OLFM2: variants seen among roughly 807,000 people sequenced by gnomAD.
OLFM2 encodes olfactomedin 2, also known as noelin-2.
In OLFM2, 20 loss-of-function variants were observed where a neutral mutation model predicts 43.9. The ratio of observed to expected loss-of-function variants is 0.46; its 90% CI spans 0.32 to 0.66. The LOEUF is 0.66. Ranked by LOEUF, OLFM2 falls within the 30% of genes least tolerant of loss-of-function variation. The pLI is 0.04. For missense variants in OLFM2, 416 were observed against 643.6 expected (o/e 0.65, Z 3.83); for synonymous variants, 268 against 278.6 (o/e 0.96, Z 0.38).
intron 1 of OLFM2, among the ~76,000 whole-genome samples, chr19:9,928,323 C>T (rs991737977): frequency 6.6e-6 from 1 of 152,186 alleles, no homozygotes; most frequent in African/African-American, 2.4e-5. Flanking sequence ...AAGTGAGAAG[C>T]TATTTGCCAT....
chr19:9,881,144 G>C (rs2046536670), intron 1 of OLFM2, among the ~76,000 whole-genome samples: 1 of 152,128 alleles, frequency 6.6e-6, no homozygotes, highest in Admixed American at 6.6e-5. Flanking sequence ...TGATCTGCCT[G>C]CCTCGGCCTC....
At position 9,899,063 on chromosome 19, in the gene OLFM2, G is replaced by A. The variant is rs186007736; in HGVS notation, c.63+37241C>T. 1.4e-3 allele frequency among the ~76,000 whole-genome samples: 208 copies of A among 152,144 alleles called. 1 individual carries two copies. The highest frequency in any genetic ancestry group is 4.9e-3 in the African/African-American group (202 of 41,514). The stretch of plus-strand genomic sequence containing the variant: ...GTGGATCACTTGAGGTCAGGAGTTC[G>A]AGACCAGCCCAGCCAACATGGCAAA... On this transcript the variant is annotated intron_variant, in intron 1 of 5. Coordinates refer to ENST00000264833, the MANE Select transcript of OLFM2 (RefSeq NM_058164.4).
intron 1 of OLFM2, chr19:9,913,861 G>A (rs1320137351): frequency 1.1e-5 from 2 of 185,478 alleles, no homozygotes; most frequent in African/African-American, 2.4e-5. Context: ...CCCCTCCCGC[G>A]CCTCCGCGCC....
chr19:9,854,092 A>T lies in OLFM2; in HGVS notation c.*94T>A, dbSNP rs2046293027. ...GGCGGGGAGAAAGGGCGTGACAGAG[A>T]CAGAGAGATCACCCTTGAGGGACAC... On this transcript the variant is annotated 3_prime_UTR_variant, in exon 6 of 6. Coordinates refer to ENST00000264833, the MANE Select transcript of OLFM2 (RefSeq NM_058164.4). This position sits in a 1 kb window ranked among gnomAD's most constrained non-coding sequence, Gnocchi z 9.5. 2.6e-6 allele frequency: 3 copies of T among 1,136,234 alleles called. No homozygotes were observed. Among genetic ancestry groups the T allele is most frequent in the Non-Finnish European group, 1.3e-6 (1 of 771,852 alleles). 70.4% of individuals were successfully genotyped at this position (1,136,234 alleles called of 1,614,324 possible). A position where few individuals can be genotyped will look rare whatever the true frequency, so the allele number is the denominator to read the frequency against.
chr19:9,880,610 A>G (rs1460313843), intron 1 of OLFM2, among the ~76,000 whole-genome samples: 2 of 152,128 alleles, frequency 1.3e-5, no homozygotes, highest in African/African-American at 4.8e-5. Context: ...AAATAAATAA[A>G]TAATACAAAT....
chr19:9,865,485 CTTTTTTTT>C (rs71188847), intron 1 of OLFM2, among the ~76,000 whole-genome samples: 10 of 73,652 alleles, frequency 1.4e-4, no homozygotes, highest in Admixed American at 6.1e-4. Flanking sequence ...TCTGTTTTTT[CTTTTTTTT>C]TTTTTTTTTT....
intron 1 of OLFM2, among the ~76,000 whole-genome samples, chr19:9,920,410 C>T (rs773726904): frequency 6.6e-6 from 1 of 152,084 alleles, no homozygotes; most frequent in Non-Finnish European, 1.5e-5. Context: ...TCACCCTGGT[C>T]CTGGCAATGA....
chr19:9,896,569 A>G (rs1023369524), intron 1 of OLFM2, among the ~76,000 whole-genome samples: 13 of 152,132 alleles, frequency 8.5e-5, no homozygotes, highest in Non-Finnish European at 1.5e-4. Context: ...CTGGCCTTGC[A>G]AGGCCTTCTT....
At chr19:9,924,486 T>C (rs2086440281) in intron 1 of OLFM2, among the ~76,000 whole-genome samples, 1 of 150,984 alleles carries the variant, frequency 6.6e-6, no homozygotes, top group Non-Finnish European at 1.5e-5. Context: ...CTCGAACTCC[T>C]GGGCTGAAGC....
intron 1 of OLFM2, among the ~76,000 whole-genome samples, chr19:9,894,832 A>G (rs1219456665): frequency 6.6e-6 from 1 of 152,146 alleles, no homozygotes. Context: ...TCTGACCCTT[A>G]CCAAAGCGTC....
chr19:9,868,540 GATACTATGCAGTCATTA>G (rs544678664), intron 1 of OLFM2, among the ~76,000 whole-genome samples: 2 of 152,218 alleles, frequency 1.3e-5, no homozygotes, highest in African/African-American at 4.8e-5. Context: ...TACAGAATGA[GATACTATGCAGTCATTA>G]AAAATTAGAG....
At chr19:9,872,434 G>A (rs1213069949) in intron 1 of OLFM2, among the ~76,000 whole-genome samples, 3 of 152,058 alleles carry the variant, frequency 2.0e-5, no homozygotes, top group African/African-American at 7.2e-5. Context: ...AGGATCGCCT[G>A]AGCCTGGGAG....
At chr19:9,890,800 A>T (rs1222022670) in intron 1 of OLFM2, among the ~76,000 whole-genome samples, 1 of 152,128 alleles carries the variant, frequency 6.6e-6, no homozygotes, top group Non-Finnish European at 1.5e-5. Context: ...AAAATATTTT[A>T]AAAATTTATC....
chr19:9,897,971 T>G (rs1232078969), intron 1 of OLFM2, among the ~76,000 whole-genome samples: 1 of 151,888 alleles, frequency 6.6e-6, no homozygotes, highest in Non-Finnish European at 1.5e-5. Context: ...GGCGTGATCA[T>G]AGCTCACTGC....
At position 9,933,928 on chromosome 19, in the gene OLFM2, G is replaced by T. The variant is rs534069111; in HGVS notation, c.63+2376C>A. 3.3e-5 allele frequency among the ~76,000 whole-genome samples: 5 copies of T among 152,224 alleles called. No homozygotes were observed. The East Asian group carries it at 7.7e-4, about 24-fold the overall frequency. On this transcript the variant is annotated intron_variant, in intron 1 of 5. Coordinates refer to ENST00000264833, the MANE Select transcript of OLFM2 (RefSeq NM_058164.4). ...CATTGTATTATATGTATATTTAGTT[G>T]CCGACACCGTATTACATGGTTATTC...
At chr19:9,931,145 G>C (rs149097783) in intron 1 of OLFM2, among the ~76,000 whole-genome samples, 1 of 152,058 alleles carries the variant, frequency 6.6e-6, no homozygotes, top group African/African-American at 2.4e-5. Flanking sequence ...CCCTCCACTG[G>C]GACATTTACA....
chr19:9,933,244 G>GT (rs927441660), intron 1 of OLFM2, among the ~76,000 whole-genome samples: 2 of 152,018 alleles, frequency 1.3e-5, no homozygotes, highest in South Asian at 2.1e-4. Flanking sequence ...ATCTTTTTCT[G>GT]TTTTTTTGCT....
chr19:9,915,004 T>C (rs2046863676), intron 1 of OLFM2, among the ~76,000 whole-genome samples: 1 of 152,024 alleles, frequency 6.6e-6, no homozygotes, highest in Non-Finnish European at 1.5e-5. Flanking sequence ...CGAACCGTCT[T>C]TTTTTCTGAG....
Position 9,854,465 on chromosome 19 carries a change from G to A in OLFM2, c.1086C>T (p.Asp362=). Residue 362 remains aspartate (D), a synonymous_variant, in exon 6 of 6, where the codon GAC becomes GAT. Transcript: ENST00000264833. This position sits in a 1 kb window ranked among gnomAD's most constrained non-coding sequence, Gnocchi z 9.5. ...CAGCGCTGCGCTTGGGGTAGCCGGT[G>A]TCCCAGGACCGCATGACCTCGAGGG... ...PHTLEVMRSW[D]TGYPKRSAGE... 6.2e-7 allele frequency: 1 copy of A among 1,614,124 alleles called. No homozygotes were observed.
Sources: gnomAD v4.1 joint callset for allele counts (sites outside exome capture counted in the v4.1 genomes callset) on GRCh38, gnomAD v4.1.1 for gene constraint, Gnocchi (gnomAD v3.1) non-coding constraint, MANE v1.5 for transcripts, NCBI Gene and HGNC (gene_info 2026-07-23, HGNC 2026-07-21) for gene names.